Variants in SETBP1 observed in about 807,000 individuals in gnomAD.
The protein encoded by SETBP1 is SET-binding protein.
Under a neutral mutation model 101.0 loss-of-function variants are expected in SETBP1, and 9 were observed. The ratio of observed to expected loss-of-function variants is 0.09; its 90% CI spans 0.05 to 0.16. SETBP1 has a LOEUF of 0.16. Among genes scored for constraint, SETBP1 ranks in the 10% least tolerant of loss-of-function variants. The probability of loss-of-function intolerance (pLI) is 1.00; values close to 1 mark genes in which losing one functional copy is unlikely to be tolerated. For missense variants in SETBP1, 1,858 were observed against 2,033.8 expected (o/e 0.91, Z 1.66); for synonymous variants, 818 against 788.5 (o/e 1.04, Z -0.63).
At chr18:44,784,847 T>G (rs2071205127) in intron 2 of SETBP1, among the ~76,000 whole-genome samples, 1 of 152,204 alleles carries the variant, frequency 6.6e-6, no homozygotes, top group Non-Finnish European at 1.5e-5. Flanking sequence ...TTATTGTTCC[T>G]TTCACTGATA....
At chr18:44,703,026 C>G (rs2069144737) in intron 2 of SETBP1, among the ~76,000 whole-genome samples, 1 of 152,142 alleles carries the variant, frequency 6.6e-6, no homozygotes. Context: ...ATTTTATATC[C>G]TAGGGGGTTA....
intron 4 of SETBP1, among the ~76,000 whole-genome samples, chr18:44,971,979 A>G (rs1404819464): frequency 6.6e-6 from 1 of 152,140 alleles, no homozygotes; most frequent in African/African-American, 2.4e-5. Flanking sequence ...GGTATTGCCT[A>G]GGTTTTCTTC....
At chr18:44,867,124 T>C (rs1042458181) in intron 2 of SETBP1, among the ~76,000 whole-genome samples, 1 of 152,226 alleles carries the variant, frequency 6.6e-6, no homozygotes, top group Non-Finnish European at 1.5e-5. Flanking sequence ...AGTCTCAATT[T>C]TCCCATCAGT....
intron 2 of SETBP1, among the ~76,000 whole-genome samples, chr18:44,786,524 G>A (rs2071241830): frequency 1.3e-5 from 2 of 152,170 alleles, no homozygotes; most frequent in Non-Finnish European, 2.9e-5. Flanking sequence ...ATGTTATATG[G>A]AACTTGGAAG....
At chr18:45,051,777 AGTCCATGTTTTT>A (rs2073725881) in intron 5 of SETBP1, among the ~76,000 whole-genome samples, 1 of 152,134 alleles carries the variant, frequency 6.6e-6, no homozygotes, top group African/African-American at 2.4e-5. Context: ...ATCTTGCTTT[AGTCCATGTTTTT>A]GTCATTGAAA....
chr18:44,694,664 C>T (rs961336080), intron 1 of SETBP1, among the ~76,000 whole-genome samples: 10 of 152,136 alleles, frequency 6.6e-5, no homozygotes, highest in Non-Finnish European at 1.5e-4. Flanking sequence ...AGAGGAGTAG[C>T]TCGAAGAGGA....
At chr18:45,037,107 G>T (rs1440683475) in intron 4 of SETBP1, among the ~76,000 whole-genome samples, 4 of 152,214 alleles carry the variant, frequency 2.6e-5, no homozygotes, top group Admixed American at 1.3e-4. Flanking sequence ...GGATCAGTCA[G>T]GTTAGTTGGG....
chr18:44,714,403 C>T (rs772554357), intron 2 of SETBP1, among the ~76,000 whole-genome samples: 1 of 151,976 alleles, frequency 6.6e-6, no homozygotes, highest in Non-Finnish European at 1.5e-5. Context: ...GGTTTTGCCA[C>T]GTTGGCCAGG....
chr18:44,862,631 T>G (rs1599240093), intron 2 of SETBP1, among the ~76,000 whole-genome samples: 2 of 152,224 alleles, frequency 1.3e-5, no homozygotes, highest in Non-Finnish European at 2.9e-5. Context: ...GGGGAACTCA[T>G]GTAGCAGTCT....
At chr18:44,914,345 C>T (rs867759902) in intron 3 of SETBP1, among the ~76,000 whole-genome samples, 10 of 152,216 alleles carry the variant, frequency 6.6e-5, no homozygotes, top group South Asian at 4.1e-4. Context: ...AAATACTCTA[C>T]TGTTAGGCAA....
rs185448222 is a variant in SETBP1, at chr18:44,962,325, T to C, written c.4000+8985T>C. Among the ~76,000 whole-genome samples, 599 of 152,236 alleles carry C rather than the reference T, an allele frequency of 3.9e-3. 1 individual carries two copies. Among genetic ancestry groups the C allele is most frequent in the Non-Finnish European group, 5.1e-3 (345 of 68,012 alleles). On this transcript the variant is annotated intron_variant, in intron 4 of 5. Coordinates refer to ENST00000649279, the MANE Select transcript of SETBP1 (RefSeq NM_015559.3). ...GGGTACAGGAAGGCACTTGGCTAGA[T>C]GGAAGTTAGCAGTTGAGTGGGGATG... is the stretch of plus-strand genomic sequence containing the variant.
In SETBP1 at chr18:45,013,279, AG is replaced by A. The variant is rs924096784; in HGVS notation, c.4001-25204del. ...CTCTACCTTTGATAACACACCACGA[AG>A]GATGCTAGGAAAATCCGGTTGCCTC... On this transcript the variant is annotated intron_variant, in intron 4 of 5. Transcript: ENST00000649279. 9.8e-5 allele frequency among the ~76,000 whole-genome samples: 15 copies of A among 152,318 alleles called. No homozygotes were observed. In the South Asian group the frequency reaches 1.0e-3, roughly 11 times the overall value.
intron 5 of SETBP1, among the ~76,000 whole-genome samples, chr18:45,047,228 G>A (rs1315426369): frequency 6.6e-6 from 1 of 152,096 alleles, no homozygotes; most frequent in Non-Finnish European, 1.5e-5. Flanking sequence ...TGCGATTATT[G>A]TAATGACCTC....
At chr18:45,000,121 A>C (rs2072586867) in intron 4 of SETBP1, among the ~76,000 whole-genome samples, 1 of 152,250 alleles carries the variant, frequency 6.6e-6, no homozygotes, top group South Asian at 2.1e-4. Context: ...ATGCCAACAA[A>C]GGAAATCAGG....
intron 2 of SETBP1, among the ~76,000 whole-genome samples, chr18:44,844,486 C>A (rs1360327733): frequency 6.6e-6 from 1 of 152,154 alleles, no homozygotes; most frequent in Non-Finnish European, 1.5e-5. Flanking sequence ...GTGTGTGGAA[C>A]CTGAGTGTGT....
At position 44,922,064 on chromosome 18, in the gene SETBP1, A is replaced by C. The variant is rs112047611; in HGVS notation, c.541-27817A>C. On this transcript the variant is annotated intron_variant, in intron 3 of 5. Coordinates refer to ENST00000649279, the MANE Select transcript of SETBP1 (RefSeq NM_015559.3). ...GTAGCCACAAAGATGTATAAGCATAAGAGATACCCAAATATTCCATTTTGG... is the reference window on the plus strand; with the variant it reads ...GTAGCCACAAAGATGTATAAGCATACGAGATACCCAAATATTCCATTTTGG... Among the ~76,000 whole-genome samples, 285 of 152,316 alleles carry C rather than the reference A, an allele frequency of 1.9e-3. 1 individual carries two copies. Among genetic ancestry groups the C allele is most frequent in the African/African-American group, 6.4e-3 (265 of 41,542 alleles).
intron 3 of SETBP1, among the ~76,000 whole-genome samples, chr18:44,910,972 A>G (rs1001645819): frequency 6.6e-6 from 1 of 152,240 alleles, no homozygotes; most frequent in Non-Finnish European, 1.5e-5. Flanking sequence ...GTGGGTATCA[A>G]TATAGGACTT....
At chr18:44,705,452 T>C (rs1184535625) in intron 2 of SETBP1, among the ~76,000 whole-genome samples, 1 of 151,936 alleles carries the variant, frequency 6.6e-6, no homozygotes, top group Non-Finnish European at 1.5e-5. Flanking sequence ...ATAATAAAGG[T>C]TTTGTTTTAT....
intron 2 of SETBP1, among the ~76,000 whole-genome samples, chr18:44,838,054 T>G (rs986959942): frequency 2.6e-5 from 4 of 152,172 alleles, no homozygotes; most frequent in Non-Finnish European, 5.9e-5. Flanking sequence ...GTCTCCCTCC[T>G]CCTTTCTGTA....
Sources: allele counts gnomAD v4.1 joint callset (sites outside exome capture counted in the v4.1 genomes callset), GRCh38; gene constraint gnomAD v4.1.1; transcripts MANE v1.5; gene names NCBI Gene and HGNC (gene_info 2026-07-23, HGNC 2026-07-21).